The following SIAH3 variants were observed in gnomAD, a reference collection of about 807,000 sequenced individuals.
SIAH3 encodes siah E3 ubiquitin protein ligase family member 3.
A neutral mutation model predicts 12.6 loss-of-function variants in SIAH3; 9 were observed. That is an observed-to-expected ratio of 0.72 (90% confidence interval 0.43 to 1.25). The LOEUF is 1.25. Ranked by LOEUF, SIAH3 falls within the 50% of genes most tolerant of loss-of-function variation. The pLI, the probability that SIAH3 is intolerant of heterozygous loss-of-function variation, is 0.00. For missense variants in SIAH3, 390 were observed against 365.4 expected (o/e 1.07, Z -0.55); for synonymous variants, 154 against 151.1 (o/e 1.02, Z -0.14).
At chr13:45,807,257 T>C (rs1950601100) in intron 1 of SIAH3, among the ~76,000 whole-genome samples, 1 of 149,630 alleles carries the variant, frequency 6.7e-6, no homozygotes, top group Non-Finnish European at 1.5e-5. Context: ...AACAAGATTG[T>C]AATAAATACA....
chr13:45,851,588 G>C lies in SIAH3; in HGVS notation c.42C>G (p.Leu14=). 6.2e-7 allele frequency: 1 copy of C among 1,614,182 alleles called. No individual in the cohort carries two copies. Among genetic ancestry groups the C allele is most frequent in the Non-Finnish European group, 8.5e-7 (1 of 1,180,042 alleles). The change falls in exon 1 of 2, where the codon CTC becomes CTG. Residue 14 remains leucine (L), a synonymous_variant. Coordinates refer to ENST00000400405, the MANE Select transcript of SIAH3 (RefSeq NM_198849.3). ...TGTAGTGCTGAAACCGGAGATGAAT[G>C]AGATCTAATACAGCCCCAAAGCACT... ...FTQCFGAVLD[L]IHLRFQHYKA... is the part of the protein sequence containing the mutation.
At chr13:45,790,164 G>A (rs982286622) in intron 1 of SIAH3, among the ~76,000 whole-genome samples, 1 of 152,104 alleles carries the variant, frequency 6.6e-6, no homozygotes, top group African/African-American at 2.4e-5. Flanking sequence ...TTTCTTTACT[G>A]GTGATCAAAA....
intron 1 of SIAH3, among the ~76,000 whole-genome samples, chr13:45,818,663 C>G (rs1950643731): frequency 6.6e-6 from 1 of 152,250 alleles, no homozygotes; most frequent in Non-Finnish European, 1.5e-5. Flanking sequence ...TCTGTTCTGT[C>G]TTCACATCAC....
At chr13:45,826,292 T>C (rs1378388584) in intron 1 of SIAH3, among the ~76,000 whole-genome samples, 1 of 152,060 alleles carries the variant, frequency 6.6e-6, no homozygotes, top group Admixed American at 6.6e-5. Context: ...AGGATGATGC[T>C]TGGCATATAG....
intron 1 of SIAH3, among the ~76,000 whole-genome samples, chr13:45,786,519 A>T (rs1950528417): frequency 6.6e-6 from 1 of 151,944 alleles, no homozygotes; most frequent in Non-Finnish European, 1.5e-5. Flanking sequence ...AGGTCGAAAG[A>T]CTCTAATCTG....
rs1236849648 is a variant in SIAH3 at position 45,843,030 on chromosome 13, C to CTGTGTG, written c.135+8464_135+8465insCACACA. ...GAATTGCCATTATTTCTCTCTCTCTCTCTCTGTGTGTGTGTGTGTGTGTGT... is the reference window on the plus strand; with the variant it reads ...GAATTGCCATTATTTCTCTCTCTCTCTGTGTGTCTCTGTGTGTGTGTGTGTGTGTGT... On this transcript the variant is annotated intron_variant, in intron 1 of 1. Coordinates refer to ENST00000400405, the MANE Select transcript of SIAH3 (RefSeq NM_198849.3). Among the ~76,000 whole-genome samples the CTGTGTG allele has an allele frequency of 9.0e-3, 580 of 64,492 alleles. 4 individuals carry two copies. Among genetic ancestry groups the CTGTGTG allele is most frequent in the African/African-American group, 0.026 (551 of 21,396 alleles). The allele number at this position is 64,492 out of a possible 152,430, so 42.3% of individuals were successfully genotyped here.
At chr13:45,835,266 A>G (rs924140755) in intron 1 of SIAH3, among the ~76,000 whole-genome samples, 1 of 152,230 alleles carries the variant, frequency 6.6e-6, no homozygotes, top group Non-Finnish European at 1.5e-5. Flanking sequence ...AATAGCATGT[A>G]GAGAACTAGT....
chr13:45,796,057 CTT>C (rs1438837909), intron 1 of SIAH3, among the ~76,000 whole-genome samples: 1 of 152,106 alleles, frequency 6.6e-6, no homozygotes, highest in Non-Finnish European at 1.5e-5. Context: ...CAGTGGTTAT[CTT>C]TGTGTGTGGA....
intron 1 of SIAH3, among the ~76,000 whole-genome samples, chr13:45,822,576 A>AAATGGTATT (rs1043460758): frequency 2.2e-5 from 3 of 135,632 alleles, no homozygotes; most frequent in African/African-American, 2.7e-5. Flanking sequence ...GAACAGGCAA[A>AAATGGTATT]AATGGTATTA....
At chr13:45,821,288 GA>G (rs1452740629) in intron 1 of SIAH3, among the ~76,000 whole-genome samples, 1 of 152,254 alleles carries the variant, frequency 6.6e-6, no homozygotes, top group Non-Finnish European at 1.5e-5. Context: ...TTAGGCAGGA[GA>G]AAGGCCTGGG....
intron 1 of SIAH3, among the ~76,000 whole-genome samples, chr13:45,797,728 C>A (rs1950568060): frequency 6.6e-6 from 1 of 152,184 alleles, no homozygotes; most frequent in Non-Finnish European, 1.5e-5. Context: ...GGGTCACAGA[C>A]CTCACTGTGA....
At chr13:45,799,333 C>T (rs6561265) in intron 1 of SIAH3, among the ~76,000 whole-genome samples, 53,443 of 151,990 alleles carry the variant, frequency 0.35, 9,853 homozygotes, top group Non-Finnish European at 0.39. Flanking sequence ...AGAATAAGAA[C>T]GATGATATCT....
At chr13:45,784,247 G>A (rs1283154010) in intron 1 of SIAH3, among the ~76,000 whole-genome samples, 190 bp from the exon 2 acceptor site, 2 of 152,094 alleles carry the variant, frequency 1.3e-5, no homozygotes, top group Non-Finnish European at 2.9e-5. Context: ...GCCTTGGGGT[G>A]GGGGGTGTTG....
rs577251162 is a variant in SIAH3, at chr13:45,839,172, C to T, written c.135+12323G>A. Among the ~76,000 whole-genome samples, 19 of 151,870 alleles carry T rather than the reference C, an allele frequency of 1.3e-4. No individual in the cohort carries two copies. The South Asian group carries it at 3.7e-3, about 30-fold the overall frequency. ...AACAGGTGTTACATGCTAAAAGCCACGTTCTCTTAAAGGCCGTTTTTGCTT... is the reference window on the plus strand; with the variant it reads ...AACAGGTGTTACATGCTAAAAGCCATGTTCTCTTAAAGGCCGTTTTTGCTT... On this transcript the variant is annotated intron_variant, in intron 1 of 1. Transcript: ENST00000400405.
intron 1 of SIAH3, among the ~76,000 whole-genome samples, chr13:45,805,258 T>C (rs8002144): frequency 0.52 from 78,497 of 151,550 alleles, 21,350 homozygotes; most frequent in African/African-American, 0.63. Context: ...CAAAAAAGAG[T>C]GCGAATAGCC....
chr13:45,836,623 G>C (rs1950718803), intron 1 of SIAH3, among the ~76,000 whole-genome samples: 1 of 152,196 alleles, frequency 6.6e-6, no homozygotes, highest in Non-Finnish European at 1.5e-5. Context: ...GCACCTGTGA[G>C]GGGATGGGGA....
chr13:45,831,103 C>T (rs1186831942), intron 1 of SIAH3, among the ~76,000 whole-genome samples: 1 of 151,694 alleles, frequency 6.6e-6, no homozygotes, highest in South Asian at 2.1e-4. Flanking sequence ...AGCTTGAACC[C>T]GGGAGGTGGG....
rs1470501692 is a variant in SIAH3 at position 45,777,754 on chromosome 13, A to G, written c.*5629T>C. 1 of 152,202 alleles carries G rather than the reference A, an allele frequency of 6.6e-6. No individual in the cohort carries two copies. The highest frequency in any genetic ancestry group is 1.5e-5 in the Non-Finnish European group (1 of 68,040). 9.4% of individuals were successfully genotyped at this position (152,202 alleles called of 1,614,324 possible). A position where few individuals can be genotyped will look rare whatever the true frequency, so the allele number is the denominator to read the frequency against. ...CTATTTGCAGCTGAACCTCAATCAAAGCCTAACTCTTTGGGGTCCCACCCA... is the reference window on the plus strand; with the variant it reads ...CTATTTGCAGCTGAACCTCAATCAAGGCCTAACTCTTTGGGGTCCCACCCA... On this transcript the variant is annotated 3_prime_UTR_variant, in exon 2 of 2. Coordinates refer to ENST00000400405, the MANE Select transcript of SIAH3 (RefSeq NM_198849.3).
rs1414866467 is a variant in SIAH3, at chr13:45,782,884, C to T, written c.*499G>A. On this transcript the variant is annotated 3_prime_UTR_variant, in exon 2 of 2. Transcript: ENST00000400405. ...TCCTGGGAAGCTGTCAGAGTCATGT[C>T]TGGATGGTCTGAAATGTGATCCATC... is the stretch of plus-strand genomic sequence containing the variant. 1.3e-5 allele frequency: 2 copies of T among 152,548 alleles called. No homozygotes were observed. The highest frequency in any genetic ancestry group is 1.5e-5 in the Non-Finnish European group (1 of 68,336). 9.4% of individuals were successfully genotyped at this position (152,548 alleles called of 1,614,324 possible). A position where few individuals can be genotyped will look rare whatever the true frequency, so the allele number is the denominator to read the frequency against.
Sources: gnomAD v4.1 joint callset for allele counts (sites outside exome capture counted in the v4.1 genomes callset) on GRCh38, gnomAD v4.1.1 for gene constraint, MANE v1.5 for transcripts, NCBI Gene and HGNC (gene_info 2026-07-23, HGNC 2026-07-21) for gene names.